CUL5: variants seen among roughly 807,000 people sequenced by gnomAD.
The protein encoded by CUL5 is cullin-5.
Under a neutral mutation model 108.8 loss-of-function variants are expected in CUL5, and 26 were observed. The ratio of observed to expected loss-of-function variants is 0.24; its 90% CI spans 0.18 to 0.33. The LOEUF (loss-of-function observed/expected upper bound fraction) is 0.33, where lower values mean the gene tolerates loss of function less well. Among genes scored for constraint, CUL5 ranks in the 10% least tolerant of loss-of-function variants. The pLI is 1.00. For missense variants in CUL5, 524 were observed against 909.2 expected (o/e 0.58, Z 5.45); for synonymous variants, 334 against 298.0 (o/e 1.12, Z -1.25).
intron 7 of CUL5, among the ~76,000 whole-genome samples, chr11:108,057,194 G>T (rs971808646): frequency 6.6e-6 from 1 of 151,960 alleles, no homozygotes; most frequent in African/African-American, 2.4e-5. Context: ...ACTACACCTG[G>T]CTAATTTTTT....
intron 13 of CUL5, among the ~76,000 whole-genome samples, chr11:108,090,363 G>T (rs749068618): frequency 2.6e-5 from 4 of 151,586 alleles, no homozygotes; most frequent in Non-Finnish European, 4.4e-5. Context: ...GTGGTGGGGG[G>T]CCTGTAGTCC....
At chr11:108,061,428 A>G (rs1445580309) in intron 7 of CUL5, among the ~76,000 whole-genome samples, 1 of 152,196 alleles carries the variant, frequency 6.6e-6, no homozygotes, top group Non-Finnish European at 1.5e-5. Context: ...TTTTTAATAT[A>G]TAGAAATCTA....
intron 2 of CUL5, among the ~76,000 whole-genome samples, chr11:108,039,353 C>G (rs1862831040): frequency 6.6e-6 from 1 of 152,222 alleles, no homozygotes; most frequent in African/African-American, 2.4e-5. Context: ...CATGAACACT[C>G]CTTCTGTGTC....
intron 11 of CUL5, among the ~76,000 whole-genome samples, chr11:108,083,952 G>T (rs967896280): frequency 5.3e-5 from 8 of 152,190 alleles, no homozygotes; most frequent in African/African-American, 1.9e-4. Flanking sequence ...ACACACATTT[G>T]TAAACTTCCG....
At position 108,107,065 on chromosome 11, in the gene CUL5, A is replaced by T. The variant is rs1864821313; in HGVS notation, c.*2681A>T. 6.6e-6 allele frequency: 1 copy of T among 151,474 alleles called. No homozygotes were observed. 9.4% of individuals were successfully genotyped at this position (151,474 alleles called of 1,614,324 possible). ...TGATGGTCACAATGAGATAAATATT[A>T]GAATATTACTATTCCAATGATTAAA... is the stretch of plus-strand genomic sequence containing the variant. On this transcript the variant is annotated 3_prime_UTR_variant, in exon 19 of 19. Transcript: ENST00000393094.
At chr11:108,024,413 A>G (rs574121060) in intron 1 of CUL5, among the ~76,000 whole-genome samples, 1 of 152,284 alleles carries the variant, frequency 6.6e-6, no homozygotes, top group East Asian at 1.9e-4. Flanking sequence ...ACAGAGCAAA[A>G]TCTTGTCTCA....
At chr11:108,065,788 T>C (rs1863662416) in intron 7 of CUL5, among the ~76,000 whole-genome samples, 1 of 152,200 alleles carries the variant, frequency 6.6e-6, no homozygotes, top group South Asian at 2.1e-4. Context: ...TTTTGGTTCT[T>C]ATGAAGGTGT....
rs1188315059 is a variant in CUL5 at position 108,033,785 on chromosome 11, T to C, written c.25-17T>C. The C allele has an allele frequency of 1.4e-6, 2 of 1,442,568 alleles. No homozygotes were observed. Among genetic ancestry groups the C allele is most frequent in the East Asian group, 4.5e-5 (2 of 44,098 alleles). The allele number at this position is 1,442,568 out of a possible 1,614,324, so 89.4% of individuals were successfully genotyped here. On this transcript the variant is annotated splice_polypyrimidine_tract_variant and intron_variant, in intron 1 of 18. Coordinates refer to ENST00000393094, the MANE Select transcript of CUL5 (RefSeq NM_003478.6). Reference sequence around the variant, plus strand: ...TGCATTTAAATTAAACTCCCTTTTATCTTTTTTTTTTTCAAGAATAAAGGT... The same window carrying C: ...TGCATTTAAATTAAACTCCCTTTTACCTTTTTTTTTTTCAAGAATAAAGGT...
At chr11:108,016,420 C>A (rs1024396099) in intron 1 of CUL5, among the ~76,000 whole-genome samples, 2 of 151,992 alleles carry the variant, frequency 1.3e-5, no homozygotes, top group African/African-American at 4.8e-5. Context: ...ATTCCCAGCT[C>A]ATTTAAAAAA....
At chr11:108,029,085 A>G (rs1043026900) in intron 1 of CUL5, among the ~76,000 whole-genome samples, 5 of 152,226 alleles carry the variant, frequency 3.3e-5, no homozygotes, top group Admixed American at 6.5e-5. Context: ...TCTGCCTAGA[A>G]TACCCTTTTT....
At chr11:108,063,305 G>T (rs940531794) in intron 7 of CUL5, among the ~76,000 whole-genome samples, 12 of 152,142 alleles carry the variant, frequency 7.9e-5, no homozygotes, top group Non-Finnish European at 1.3e-4. Flanking sequence ...TGTGAAGTTC[G>T]TCTTTCTGTT....
At chr11:108,055,268 T>G (rs1474947055) in intron 7 of CUL5, among the ~76,000 whole-genome samples, 2 of 152,176 alleles carry the variant, frequency 1.3e-5, no homozygotes, top group Admixed American at 1.3e-4. Flanking sequence ...TTTGTGATTT[T>G]CATGTTGCAA....
chr11:108,094,710 T>G, intron 14 of CUL5, 102 bp from the exon 15 acceptor site: 1 of 985,282 alleles, frequency 1.0e-6, no homozygotes, highest in South Asian at 1.9e-5. Context: ...TTTAACAAAA[T>G]CTTTATAGTC....
chr11:108,093,453 C>G (rs1476611082), intron 13 of CUL5, among the ~76,000 whole-genome samples: 1 of 152,166 alleles, frequency 6.6e-6, no homozygotes, highest in Non-Finnish European at 1.5e-5. Context: ...CATTGTCAGC[C>G]TTACTACCAC....
intron 18 of CUL5, among the ~76,000 whole-genome samples, chr11:108,102,383 G>A (rs2135253833): frequency 6.6e-6 from 1 of 152,236 alleles, no homozygotes; most frequent in African/African-American, 2.4e-5. Context: ...CTGGAGTGCA[G>A]TGGTACAATC....
In CUL5 at chr11:108,009,298, G is replaced by T. The variant is rs759447400; in HGVS notation, c.-51G>T. 17 of 1,608,766 alleles carry T rather than the reference G, an allele frequency of 1.1e-5. No homozygotes were observed. Among genetic ancestry groups the T allele is most frequent in the Admixed American group, 8.4e-5 (5 of 59,746 alleles). On this transcript the variant is annotated 5_prime_UTR_variant, in exon 1 of 19. Coordinates refer to ENST00000393094, the MANE Select transcript of CUL5 (RefSeq NM_003478.6). ...TCCGGCCTCCGGTCAAGGCCTGGCC[G>T]GGAGCGCCACGAATTCTCGCGTCGT...
chr11:108,095,778 A>G (rs1468012835), intron 16 of CUL5, 87 bp downstream of exon 16: 6 of 1,195,626 alleles, frequency 5.0e-6, no homozygotes, highest in East Asian at 2.4e-5. Context: ...TAGTAAATTC[A>G]TAACAGTTTC....
At chr11:108,022,927 G>A (rs1052631644) in intron 1 of CUL5, among the ~76,000 whole-genome samples, 1 of 152,100 alleles carries the variant, frequency 6.6e-6, no homozygotes, top group Non-Finnish European at 1.5e-5. Flanking sequence ...TTCTGGATGA[G>A]AGCCTTTCTT....
At chr11:108,041,103 A>G (rs1862894765) in intron 2 of CUL5, among the ~76,000 whole-genome samples, 1 of 152,120 alleles carries the variant, frequency 6.6e-6, no homozygotes. Context: ...AGAATTCTTC[A>G]ACAGCCTTAC....
Sources: gnomAD v4.1 joint callset for allele counts (sites outside exome capture counted in the v4.1 genomes callset) on GRCh38, gnomAD v4.1.1 for gene constraint, MANE v1.5 for transcripts, NCBI Gene and HGNC (gene_info 2026-07-23, HGNC 2026-07-21) for gene names.